The following ABR variants were observed in gnomAD, a reference collection of about 807,000 sequenced individuals.
ABR encodes the protein active breakpoint cluster region-related protein.
In ABR, 35 loss-of-function variants were observed where a neutral mutation model predicts 107.2. The observed-to-expected ratio is 0.33, with a 90% CI of 0.25 to 0.43. The LOEUF (loss-of-function observed/expected upper bound fraction) is 0.43. ABR is among the 20% of genes least tolerant of loss of function. The pLI, the probability that ABR is intolerant of heterozygous loss-of-function variation, is 1.00. For synonymous variants in ABR, 498 were observed against 462.0 expected (o/e 1.08, Z -1.00); for missense variants, 815 against 1,115.2 (o/e 0.73, Z 3.83).
At chr17:1,140,576 T>A (rs183080094) in intron 1 of ABR, among the ~76,000 whole-genome samples, 2 of 152,130 alleles carry the variant, frequency 1.3e-5, no homozygotes, top group Admixed American at 1.3e-4. Flanking sequence ...TACTGCACTT[T>A]ATTTTATTGA....
At chr17:1,045,854 C>A (rs543679286) in intron 16 of ABR, among the ~76,000 whole-genome samples, 43 of 152,180 alleles carry the variant, frequency 2.8e-4, no homozygotes, top group Admixed American at 2.5e-3. Flanking sequence ...ATGCTAAGTA[C>A]CCCTCCTGCT....
chr17:1,178,917 A>C (rs1462792565), intron 1 of ABR, among the ~76,000 whole-genome samples: 3 of 151,714 alleles, frequency 2.0e-5, no homozygotes, highest in Admixed American at 2.0e-4. Context: ...ACCCGTGATC[A>C]GTTACGCATC....
Position 1,005,834 on chromosome 17 carries a change from G to C in ABR, c.*246C>G. The C allele has an allele frequency of 1.7e-6, 1 of 571,556 alleles. No individual in the cohort carries two copies. The highest frequency in any genetic ancestry group is 1.9e-5 in the African/African-American group (1 of 53,350). 35.4% of individuals were successfully genotyped at this position (571,556 alleles called of 1,614,324 possible). On this transcript the variant is annotated 3_prime_UTR_variant, in exon 23 of 23. Coordinates refer to ENST00000302538, the MANE Select transcript of ABR (RefSeq NM_021962.5). ...CATAAAACAATTCCCGAACAGCACGGAGCATCAGACACAACTAGAGGTATG... is the reference window on the plus strand; with the variant it reads ...CATAAAACAATTCCCGAACAGCACGCAGCATCAGACACAACTAGAGGTATG...
At chr17:1,123,114 A>G (rs1443664673) in intron 2 of ABR, among the ~76,000 whole-genome samples, 1 of 152,192 alleles carries the variant, frequency 6.6e-6, no homozygotes, top group African/African-American at 2.4e-5. Flanking sequence ...CACCCCGTGT[A>G]AACAGCAATC....
Position 1,132,079 on chromosome 17 carries a change from G to A in ABR, c.62-6712C>T, listed in dbSNP as rs72477064. Among the ~76,000 whole-genome samples the A allele has an allele frequency of 7.9e-4, 120 of 152,018 alleles. No individual in the cohort carries two copies. In the East Asian group the frequency reaches 0.012, roughly 16 times the overall value. On this transcript the variant is annotated intron_variant, in intron 1 of 22. Coordinates refer to ENST00000302538, the MANE Select transcript of ABR (RefSeq NM_021962.5). ...GCCTAGAAAACCCTCCTTGCTGGGC[G>A]CGGTGGCTCACGCCTGTCATCCCAT... is the stretch of plus-strand genomic sequence containing the variant.
At position 1,011,731 on chromosome 17, in the gene ABR, A is replaced by G. The variant is rs1422317919; in HGVS notation, c.2101+115T>C. 12 of 1,331,950 alleles carry G rather than the reference A, an allele frequency of 9.0e-6. No homozygotes were observed. Among genetic ancestry groups the G allele is most frequent in the Non-Finnish European group, 1.1e-5 (11 of 1,001,132 alleles). The allele number at this position is 1,331,950 out of a possible 1,614,324, so 82.5% of individuals were successfully genotyped here. On this transcript the variant is annotated intron_variant, in intron 19 of 22. Coordinates refer to ENST00000302538, the MANE Select transcript of ABR (RefSeq NM_021962.5). The surrounding 1 kb of genome is among the most constrained non-coding windows in gnomAD (Gnocchi z 4.8). ...AAAGCACTTGCCACGGGGACTCTGA[A>G]GCAGAGCAAGCCTCCTCTCCAGGGA...
chr17:1,185,654 T>TAAA (rs775804045), intron 1 of ABR, among the ~76,000 whole-genome samples: 30 of 39,346 alleles, frequency 7.6e-4, no homozygotes, highest in African/African-American at 2.3e-3. Flanking sequence ...CAGAAAGAAA[T>TAAA]AAAAAAAAAA....
rs2035225324 is a variant in ABR at position 1,071,385 on chromosome 17, C to A, written c.894+1229G>T. Reference sequence around the variant, plus strand: ...CTCGTAAACAGACCACAGGAGCAGACACCCTGTCAGCCTCACTCGTAACGG... The same window carrying A: ...CTCGTAAACAGACCACAGGAGCAGAAACCCTGTCAGCCTCACTCGTAACGG... On this transcript the variant is annotated intron_variant, in intron 8 of 22. Coordinates refer to ENST00000302538, the MANE Select transcript of ABR (RefSeq NM_021962.5). This position sits in a 1 kb window ranked among gnomAD's most constrained non-coding sequence, Gnocchi z 5.1. 6.6e-6 allele frequency among the ~76,000 whole-genome samples: 1 copy of A among 152,162 alleles called. No individual in the cohort carries two copies. The highest frequency in any genetic ancestry group is 6.5e-5 in the Admixed American group (1 of 15,272).
chr17:1,011,328 C>T lies in ABR; in HGVS notation c.2102-465G>A, dbSNP rs1053996548. Reference sequence around the variant, plus strand: ...CCCGTCCTCCACTCCAGGCTCCCCACGGATTCATCCCTGCCTGGCCAGTGC... The same window carrying T: ...CCCGTCCTCCACTCCAGGCTCCCCATGGATTCATCCCTGCCTGGCCAGTGC... On this transcript the variant is annotated intron_variant, in intron 19 of 22. Coordinates refer to ENST00000302538, the MANE Select transcript of ABR (RefSeq NM_021962.5). The surrounding 1 kb of genome is among the most constrained non-coding windows in gnomAD (Gnocchi z 4.8). 33 of 183,328 alleles carry T rather than the reference C, an allele frequency of 1.8e-4. 1 individual carries two copies. Among genetic ancestry groups the T allele is most frequent in the East Asian group, 9.3e-4 (6 of 6,418 alleles). The allele number at this position is 183,328 out of a possible 1,614,324, so 11.4% of individuals were successfully genotyped here. A position where few individuals can be genotyped will look rare whatever the true frequency, so the allele number is the denominator to read the frequency against.
In ABR at chr17:1,013,123, G is replaced by A. The variant is rs147397030; in HGVS notation, c.1833C>T (p.Asp611=). Residue 611 remains aspartate, a synonymous_variant, in exon 17 of 23, where the codon GAC becomes GAT. Transcript: ENST00000302538. ...QTVETKNWHT[D]VIEMNGIKVE... ...GGCTCACCCCGTTCATCTCAATCAC[G>A]TCCGTGTGCCAGTTCTTGGTCTCCA... The A allele has an allele frequency of 7.6e-4, 1,232 of 1,614,150 alleles. 2 individuals carry two copies. Among genetic ancestry groups the A allele is most frequent in the Middle Eastern group, 5.5e-3 (33 of 6,054 alleles).
At position 1,050,132 on chromosome 17, in the gene ABR, T is replaced by A; in HGVS notation, c.1709A>T (p.Tyr570Phe). 6.2e-7 allele frequency: 1 copy of A among 1,614,062 alleles called. No individual in the cohort carries two copies. The highest frequency in any genetic ancestry group is 8.5e-7 in the Non-Finnish European group (1 of 1,179,994). ...EGSQSLRILC[Y>F]EKCYDKTKVN... ...CTTGGTCTTGTCATAGCACTTCTCATAGCACAGGATCCTCAGGGACTGGGA... is the reference window on the plus strand; with the variant it reads ...CTTGGTCTTGTCATAGCACTTCTCAAAGCACAGGATCCTCAGGGACTGGGA... The change falls in exon 16 of 23, where the codon TAT becomes TTT. Residue 570 changes from tyrosine to phenylalanine, a missense_variant. Coordinates refer to ENST00000302538, the MANE Select transcript of ABR (RefSeq NM_021962.5). This position sits in a 1 kb window ranked among gnomAD's most constrained non-coding sequence, Gnocchi z 4.6.
chr17:1,152,451 C>T (rs574964425), intron 1 of ABR, among the ~76,000 whole-genome samples: 8 of 150,276 alleles, frequency 5.3e-5, no homozygotes, highest in Non-Finnish European at 8.9e-5. Flanking sequence ...ATTAGCCGGG[C>T]GTGGTGGTGC....
rs1300363445 is a variant in ABR, at chr17:1,067,136, G to A, written c.1123C>T (p.His375Tyr). ...ASPQVHPFPD[H>Y]ELEDMKMKIS... is the part of the protein sequence containing the mutation. ...TTCATCTTCATGTCCTCCAGCTCAT[G>A]GTCTGGGAAGGGGTGCACCTGGGGG... Residue 375 changes from histidine to tyrosine, a missense_variant, in exon 10 of 23, where the codon CAT becomes TAT. His to Tyr is a moderately conservative substitution (Grantham distance 83, BLOSUM62 2). Around this residue, in one of 5 missense-constraint regions of ABR, gnomAD observed 385 missense variants for 596.9 expected, o/e 0.64. Coordinates refer to ENST00000302538, the MANE Select transcript of ABR (RefSeq NM_021962.5). The A allele has an allele frequency of 6.2e-7, 1 of 1,613,824 alleles. No homozygotes were observed. The highest frequency in any genetic ancestry group is 1.3e-5 in the African/African-American group (1 of 74,900).
At chr17:1,122,242 T>C (rs931711534) in intron 2 of ABR, among the ~76,000 whole-genome samples, 1 of 152,224 alleles carries the variant, frequency 6.6e-6, no homozygotes, top group Non-Finnish European at 1.5e-5. Context: ...GCTTATCTGC[T>C]TTCCATCCTG....
chr17:1,050,819 C>A lies in ABR; in HGVS notation c.1562-185G>T, dbSNP rs1048908123. ...TTCTCCCCTGCCCCCTTCTTAGGGG[C>A]TCAGCCCTCCCCACCTCGGCTCACC... On this transcript the variant is annotated intron_variant, in intron 14 of 22. Transcript: ENST00000302538. This position sits in a 1 kb window ranked among gnomAD's most constrained non-coding sequence, Gnocchi z 4.6. Among the ~76,000 whole-genome samples, 6 of 151,960 alleles carry A rather than the reference C, an allele frequency of 3.9e-5. No homozygotes were observed. The highest frequency in any genetic ancestry group is 7.3e-5 in the African/African-American group (3 of 41,376).
At chr17:1,162,669 C>G (rs9903287) in intron 1 of ABR, among the ~76,000 whole-genome samples, 148,253 of 150,582 alleles carry the variant, frequency 0.98, 73,006 homozygotes, top group East Asian at 1. Flanking sequence ...GCTCACACCT[C>G]TCATCCCAGC....
chr17:1,214,421 G>A (rs1598139044), intron 1 of ABR, among the ~76,000 whole-genome samples: 2 of 152,092 alleles, frequency 1.3e-5, no homozygotes, highest in Non-Finnish European at 1.5e-5. Flanking sequence ...TCCTTAACAA[G>A]TTTAAATTAC....
rs1477667689 is a variant in ABR, at chr17:1,010,100, T to TAAGG, written c.2237-320_2237-317dup. 6 of 458,930 alleles carry TAAGG rather than the reference T, an allele frequency of 1.3e-5. No individual in the cohort carries two copies. Among genetic ancestry groups the TAAGG allele is most frequent in the Non-Finnish European group, 1.6e-5 (4 of 249,908 alleles). The allele number at this position is 458,930 out of a possible 1,614,324, so 28.4% of individuals were successfully genotyped here. On this transcript the variant is annotated intron_variant, in intron 20 of 22. Coordinates refer to ENST00000302538, the MANE Select transcript of ABR (RefSeq NM_021962.5). This position sits in a 1 kb window ranked among gnomAD's most constrained non-coding sequence, Gnocchi z 4.1. ...CAGGACACCCCCTGGTCTGTGTGGC[T>TAAGG]AAGGTTAAGCCAGTAGGGACATATC...
rs974346486 is a variant in ABR at position 1,157,103 on chromosome 17, C to T, written c.61+22564G>A. On this transcript the variant is annotated intron_variant, in intron 1 of 22. Transcript: ENST00000302538. This position sits in a 1 kb window ranked among gnomAD's most constrained non-coding sequence, Gnocchi z 4.7. ...AGGCACTAATATTATCTCAATTTTA[C>T]GGATGAGGAAACCGAAGCTCAGATA... Among the ~76,000 whole-genome samples the T allele has an allele frequency of 2.0e-5, 3 of 152,170 alleles. No individual in the cohort carries two copies. Among genetic ancestry groups the T allele is most frequent in the Non-Finnish European group, 4.4e-5 (3 of 68,044 alleles).
Sources: gnomAD v4.1 joint callset for allele counts (sites outside exome capture counted in the v4.1 genomes callset) on GRCh38, gnomAD v4.1.1 for gene constraint, gnomAD v4.1.1 regional missense constraint, Gnocchi (gnomAD v3.1) non-coding constraint, MANE v1.5 for transcripts, NCBI Gene and HGNC (gene_info 2026-07-23, HGNC 2026-07-21) for gene names.